Variants in OPHN1 observed in about 807,000 individuals in gnomAD.
OPHN1 encodes oligophrenin-1.
OPHN1 carries 11 observed loss-of-function variants against 60.7 expected under a neutral mutation model. That is an observed-to-expected ratio of 0.18 (90% CI 0.11 to 0.30). OPHN1 has a LOEUF of 0.30. Ranked by LOEUF, OPHN1 falls within the 10% of genes least tolerant of loss-of-function variation. OPHN1 has a pLI of 1.00. For missense variants in OPHN1, 449 were observed against 611.0 expected, an observed-to-expected ratio of 0.73 and a Z score of 2.80; for synonymous variants, 226 against 222.6, an observed-to-expected ratio of 1.02 and a Z score of -0.14.
chrX:68,146,085 T>C (rs1316643204), intron 15 of OPHN1, among the ~76,000 whole-genome samples: 3 of 112,500 alleles, frequency 2.7e-5, no homozygotes, highest in Non-Finnish European at 3.8e-5. Context: ...ATTCATTATA[T>C]GGCATCGTAT....
At chrX:68,113,982 GAA>G (rs35991802) in intron 16 of OPHN1, among the ~76,000 whole-genome samples, 3 of 102,219 alleles carry the variant, frequency 2.9e-5, no homozygotes, top group Admixed American at 1.1e-4. Flanking sequence ...AAAAAAAAAA[GAA>G]AAAAAAAAAC....
At chrX:68,274,232 T>C (rs2077982453) in intron 5 of OPHN1, among the ~76,000 whole-genome samples, 1 of 112,068 alleles carries the variant, frequency 8.9e-6, no homozygotes, top group Non-Finnish European at 1.9e-5. Context: ...TTATTTATCT[T>C]GTCCAAGGCT....
chrX:68,084,498 T>C (rs1338732317), intron 19 of OPHN1, among the ~76,000 whole-genome samples: 1 of 109,966 alleles, frequency 9.1e-6, no homozygotes, highest in Non-Finnish European at 1.9e-5. Context: ...AGTGAAGCAG[T>C]TACATGCTAT....
At chrX:68,084,608 T>TG (rs919243582) in intron 19 of OPHN1, among the ~76,000 whole-genome samples, 1 of 61,793 alleles carries the variant, frequency 1.6e-5, no homozygotes, top group Non-Finnish European at 3.7e-5. Flanking sequence ...CACTTCTCAT[T>TG]GAAAAAAAAA....
chrX:68,256,168 G>T (rs2077862389), intron 5 of OPHN1, among the ~76,000 whole-genome samples: 1 of 111,350 alleles, frequency 9.0e-6, no homozygotes, highest in Non-Finnish European at 1.9e-5. Flanking sequence ...TCAGGAGCAA[G>T]GGGAAGGCTG....
At chrX:68,337,759 G>A (rs1360615834) in intron 2 of OPHN1, among the ~76,000 whole-genome samples, 3 of 101,211 alleles carry the variant, frequency 3.0e-5, no homozygotes, top group African/African-American at 7.4e-5. Flanking sequence ...GAAACCTGGA[G>A]TGGCTATATT....
intron 2 of OPHN1, among the ~76,000 whole-genome samples, chrX:68,378,526 G>GT (rs2078574615): frequency 8.9e-6 from 1 of 111,761 alleles, no homozygotes; most frequent in Non-Finnish European, 1.9e-5. Flanking sequence ...GTCCTGAATG[G>GT]TAATGCCTAG....
intron 18 of OPHN1, 55 bp downstream of exon 18, chrX:68,111,799 C>T: frequency 1.2e-6 from 1 of 843,017 alleles, no homozygotes; most frequent in Non-Finnish European, 1.8e-6. Flanking sequence ...GTAGTCCAAC[C>T]ACATGGGCCA....
chrX:68,217,047 T>G (rs1169136946), intron 6 of OPHN1, among the ~76,000 whole-genome samples: 1 of 111,005 alleles, frequency 9.0e-6, no homozygotes, highest in Admixed American at 9.5e-5. Flanking sequence ...GTGCCAGACA[T>G]TGGGCGGAGG....
chrX:68,266,364 G>A (rs1456330302), intron 5 of OPHN1, among the ~76,000 whole-genome samples: 1 of 111,458 alleles, frequency 9.0e-6, no homozygotes, highest in Non-Finnish European at 1.9e-5. Context: ...AGAGAGTGGG[G>A]GCCAATATTC....
chrX:68,098,201 T>C (rs1461799822), intron 18 of OPHN1, among the ~76,000 whole-genome samples: 1 of 111,455 alleles, frequency 9.0e-6, no homozygotes, highest in African/African-American at 3.3e-5. Flanking sequence ...ACTGTGCTCA[T>C]CTTAACTAAA....
chrX:68,087,276 C>A (rs1242204793), intron 19 of OPHN1, among the ~76,000 whole-genome samples: 1 of 112,086 alleles, frequency 8.9e-6, no homozygotes, highest in African/African-American at 3.2e-5. Context: ...ACTCAATATC[C>A]GAGGAATATT....
In OPHN1 at chrX:68,404,228, C is replaced by T. The variant is rs746933639; in HGVS notation, c.154+28639G>A. ...AGTCTGGAGTGCAGTGGCATGATCT[C>T]GGTTCACTGCGACCTCCGCCTCCCA... On this transcript the variant is annotated intron_variant, in intron 2 of 24. Transcript: ENST00000355520. 7.4e-5 allele frequency among the ~76,000 whole-genome samples: 8 copies of T among 107,606 alleles called. No homozygotes were observed. In the South Asian group the frequency reaches 3.0e-3, roughly 40 times the overall value. 93.4% of individuals were successfully genotyped at this position (107,606 alleles called of 115,157 possible).
chrX:68,352,157 G>A (rs1450092775), intron 2 of OPHN1, among the ~76,000 whole-genome samples: 1 of 109,756 alleles, frequency 9.1e-6, no homozygotes, highest in African/African-American at 3.3e-5. Context: ...ACAGACGTGA[G>A]CCGCCACGCC....
At chrX:68,267,551 C>T (rs1416813267) in intron 5 of OPHN1, among the ~76,000 whole-genome samples, 1 of 112,263 alleles carries the variant, frequency 8.9e-6, no homozygotes, top group African/African-American at 3.2e-5. Flanking sequence ...AAACTGATAG[C>T]ACTAAATGCC....
At chrX:68,090,659 C>A (rs1234385636) in intron 19 of OPHN1, among the ~76,000 whole-genome samples, 1 of 110,590 alleles carries the variant, frequency 9.0e-6, no homozygotes, top group Non-Finnish European at 1.9e-5. Flanking sequence ...GATGAGGTCC[C>A]ATTTGGCCAT....
intron 2 of OPHN1, among the ~76,000 whole-genome samples, chrX:68,341,748 G>A (rs750872213): frequency 1.8e-5 from 2 of 109,968 alleles, no homozygotes; most frequent in Non-Finnish European, 3.8e-5. Context: ...TGAGATGGGA[G>A]AATCACTTGA....
At chrX:68,222,783 T>TGGGGGGA (rs2077668134) in intron 6 of OPHN1, among the ~76,000 whole-genome samples, 2 of 47,895 alleles carry the variant, frequency 4.2e-5, no homozygotes, top group Non-Finnish European at 7.2e-5. Flanking sequence ...TGTTGTGGGG[T>TGGGGGGA]GGGGGGAGGG....
In OPHN1 at chrX:68,201,794, C is replaced by T. The variant is rs969229430; in HGVS notation, c.934-84G>A. ...GCTTCCTACAGTGTCTTCAGTGTCA[C>T]TTGGAAGGCGTCTGGTCAAGGCAGC... is the stretch of plus-strand genomic sequence containing the variant. On this transcript the variant is annotated intron_variant, in intron 10 of 24. Transcript: ENST00000355520. 17 of 776,288 alleles carry T rather than the reference C, an allele frequency of 2.2e-5. No homozygotes were observed. In the East Asian group the frequency reaches 4.7e-4, roughly 22 times the overall value. 64.0% of individuals were successfully genotyped at this position (776,288 alleles called of 1,213,427 possible).
Sources: allele counts gnomAD v4.1 joint callset (sites outside exome capture counted in the v4.1 genomes callset), GRCh38; gene constraint gnomAD v4.1.1; transcripts MANE v1.5; gene names NCBI Gene and HGNC (gene_info 2026-07-23, HGNC 2026-07-21).